Variants in ARHGAP10 observed in about 807,000 individuals in gnomAD.
The protein encoded by ARHGAP10 is Rho GTPase activating protein 10.
In ARHGAP10, 87 loss-of-function variants were observed where a neutral mutation model predicts 108.6. The observed-to-expected ratio is 0.80, with a 90% CI of 0.67 to 0.96. The LOEUF is 0.96. Ranked by LOEUF, ARHGAP10 falls within the 40% of genes least tolerant of loss-of-function variation. The pLI is 0.00. For missense variants in ARHGAP10, 939 were observed against 954.5 expected (o/e 0.98, Z 0.21); for synonymous variants, 347 against 341.1 (o/e 1.02, Z -0.19).
intron 7 of ARHGAP10, among the ~76,000 whole-genome samples, chr4:147,867,079 A>G (rs914052920): frequency 3.9e-5 from 6 of 152,142 alleles, no homozygotes; most frequent in African/African-American, 1.4e-4. Flanking sequence ...TGTTAACTCT[A>G]AATCAGCTAT....
intron 18 of ARHGAP10, among the ~76,000 whole-genome samples, chr4:148,019,963 G>A (rs1331880692): frequency 6.6e-6 from 1 of 152,068 alleles, no homozygotes; most frequent in Non-Finnish European, 1.5e-5. Context: ...GACCAGAAGT[G>A]TTATGAATTT....
At chr4:147,766,369 C>A (rs926501437) in intron 1 of ARHGAP10, among the ~76,000 whole-genome samples, 1 of 151,884 alleles carries the variant, frequency 6.6e-6, no homozygotes, top group Non-Finnish European at 1.5e-5. Context: ...ACATTACTTA[C>A]GATACTTAAT....
intron 14 of ARHGAP10, among the ~76,000 whole-genome samples, chr4:147,941,635 G>A (rs1233053658): frequency 6.6e-6 from 1 of 152,136 alleles, no homozygotes; most frequent in Admixed American, 6.5e-5. Flanking sequence ...GACAGATACT[G>A]ACTTGTTACC....
chr4:148,043,415 T>C lies in ARHGAP10; in HGVS notation c.1868-3477T>C, dbSNP rs556062555. On this transcript the variant is annotated intron_variant, in intron 19 of 22. Transcript: ENST00000336498. ...AGATTGTGTGATCACTCAGAAGAAA[T>C]GATAGGTGAAAAATAATGAGTGTAT... Among the ~76,000 whole-genome samples the C allele has an allele frequency of 7.2e-5, 11 of 151,798 alleles. No homozygotes were observed. The South Asian group carries it at 1.5e-3, about 20-fold the overall frequency.
At chr4:147,967,859 G>A (rs543338041) in intron 18 of ARHGAP10, among the ~76,000 whole-genome samples, 8 of 152,196 alleles carry the variant, frequency 5.3e-5, no homozygotes, top group Non-Finnish European at 1.0e-4. Flanking sequence ...ATAGCCATGC[G>A]TATTCTGTTA....
rs71250029 is a variant in ARHGAP10 at position 147,837,650 on chromosome 4, T to TTTTTTTTTTTTTTTTTTTTTG, written c.313-9489_313-9488insTTTTTTTTGTTTTTTTTTTTT. Among the ~76,000 whole-genome samples the TTTTTTTTTTTTTTTTTTTTTG allele has an allele frequency of 2.1e-3, 236 of 112,044 alleles. 9 individuals carry two copies. Among genetic ancestry groups the TTTTTTTTTTTTTTTTTTTTTG allele is most frequent in the African/African-American group, 6.0e-3 (216 of 35,728 alleles). The allele number at this position is 112,044 out of a possible 152,430, so 73.5% of individuals were successfully genotyped here. A position where few individuals can be genotyped will look rare whatever the true frequency, so the allele number is the denominator to read the frequency against. On this transcript the variant is annotated intron_variant, in intron 3 of 22. Coordinates refer to ENST00000336498, the MANE Select transcript of ARHGAP10 (RefSeq NM_024605.4). ...CTAGAATCTCTGGTCACTGTTTTTT[T>TTTTTTTTTTTTTTTTTTTTTG]TTTTTTTTTTTTAAAGCAGTAGCTT...
chr4:147,976,710 C>T (rs541749363), intron 18 of ARHGAP10, among the ~76,000 whole-genome samples: 1 of 152,206 alleles, frequency 6.6e-6, no homozygotes, highest in South Asian at 2.1e-4. Context: ...TTAGCTGTGG[C>T]ATTGGAAGCT....
At chr4:147,901,751 T>C (rs1338621993) in intron 10 of ARHGAP10, among the ~76,000 whole-genome samples, 1 of 152,242 alleles carries the variant, frequency 6.6e-6, no homozygotes, top group East Asian at 1.9e-4. Context: ...CCTTCATCAT[T>C]CAACAGTTAT....
At chr4:148,045,531 C>T (rs1728837262) in intron 19 of ARHGAP10, among the ~76,000 whole-genome samples, 1 of 151,804 alleles carries the variant, frequency 6.6e-6, no homozygotes. Context: ...CACCTGAGGT[C>T]AGGAGTTCGA....
At chr4:147,757,644 G>T (rs912325133) in intron 1 of ARHGAP10, among the ~76,000 whole-genome samples, 1 of 152,132 alleles carries the variant, frequency 6.6e-6, no homozygotes, top group Non-Finnish European at 1.5e-5. Context: ...TGCTTCCTCT[G>T]AACATTGGCT....
At chr4:147,960,893 A>T (rs980896270) in intron 16 of ARHGAP10, among the ~76,000 whole-genome samples, 1 of 152,244 alleles carries the variant, frequency 6.6e-6, no homozygotes, top group Non-Finnish European at 1.5e-5. Flanking sequence ...TGTATGAAAC[A>T]TTCATTCATT....
intron 3 of ARHGAP10, among the ~76,000 whole-genome samples, chr4:147,845,212 C>G (rs1733583984): frequency 6.6e-6 from 1 of 152,240 alleles, no homozygotes; most frequent in African/African-American, 2.4e-5. Context: ...AAGAAGCTCT[C>G]TTTGCACACA....
At chr4:147,739,158 G>A (rs1728549383) in intron 1 of ARHGAP10, among the ~76,000 whole-genome samples, 1 of 146,814 alleles carries the variant, frequency 6.8e-6, no homozygotes, top group South Asian at 2.1e-4. Flanking sequence ...TTGCACTCCA[G>A]CCTGGGCAAC....
intron 16 of ARHGAP10, 79 bp from the exon 17 acceptor site, chr4:147,964,945 T>C: frequency 3.2e-6 from 3 of 940,264 alleles, no homozygotes; most frequent in Non-Finnish European, 4.6e-6. Flanking sequence ...TTGGGAAATA[T>C]ATTTGATTCT....
chr4:147,966,565 G>A (rs1018003573), intron 17 of ARHGAP10, 115 bp from the exon 18 acceptor site: 2 of 924,402 alleles, frequency 2.2e-6, no homozygotes, highest in African/African-American at 3.3e-5. Context: ...GATGTTGAGG[G>A]TGGTTAAGTC....
chr4:148,051,931 G>A (rs946901196), intron 20 of ARHGAP10, among the ~76,000 whole-genome samples: 1 of 152,146 alleles, frequency 6.6e-6, no homozygotes, highest in Non-Finnish European at 1.5e-5. Context: ...TGAATGGGGG[G>A]TTTCTCAGAG....
intron 18 of ARHGAP10, among the ~76,000 whole-genome samples, chr4:147,968,545 G>A (rs1214032962): frequency 6.6e-6 from 1 of 152,204 alleles, no homozygotes; most frequent in Non-Finnish European, 1.5e-5. Context: ...TCTGTGGACT[G>A]TAGGTTAAGT....
intron 1 of ARHGAP10, among the ~76,000 whole-genome samples, chr4:147,755,143 A>G (rs966756390): frequency 6.6e-6 from 1 of 152,152 alleles, no homozygotes; most frequent in Admixed American, 6.5e-5. Flanking sequence ...CAATAAGGAT[A>G]TAATAAAAGC....
At chr4:147,905,083 G>A (rs1355631332) in intron 10 of ARHGAP10, among the ~76,000 whole-genome samples, 3 of 151,988 alleles carry the variant, frequency 2.0e-5, no homozygotes, top group African/African-American at 7.3e-5. Flanking sequence ...GGGGTTGTTT[G>A]TTTTTTTCTT....
Sources: gnomAD v4.1 joint callset for allele counts (sites outside exome capture counted in the v4.1 genomes callset) on GRCh38, gnomAD v4.1.1 for gene constraint, MANE v1.5 for transcripts, NCBI Gene and HGNC (gene_info 2026-07-23, HGNC 2026-07-21) for gene names.